The following RNF11 variants were observed in gnomAD, a reference collection of about 807,000 sequenced individuals.
RNF11 encodes the protein ring finger protein 11.
Under a neutral mutation model 15.8 loss-of-function variants are expected in RNF11, and 4 were observed. That is an observed-to-expected ratio of 0.25 (90% CI 0.12 to 0.58). RNF11 has a LOEUF of 0.58. Among genes scored for constraint, RNF11 ranks in the 20% least tolerant of loss-of-function variants. RNF11 has a pLI of 0.91. For missense variants in RNF11, 139 were observed against 194.4 expected, an observed-to-expected ratio of 0.71 and a Z score of 1.70; for synonymous variants, 68 against 72.3, an observed-to-expected ratio of 0.94 and a Z score of 0.30.
intron 1 of RNF11, among the ~76,000 whole-genome samples, chr1:51,258,469 C>A (rs947921585): frequency 6.6e-6 from 1 of 152,108 alleles, no homozygotes; most frequent in Non-Finnish European, 1.5e-5. Flanking sequence ...GAGTTCATTT[C>A]CAGTAGAGTC....
chr1:51,239,313 G>A (rs1023796395), intron 1 of RNF11, among the ~76,000 whole-genome samples: 7 of 152,152 alleles, frequency 4.6e-5, no homozygotes, highest in Admixed American at 1.3e-4. Flanking sequence ...GGTTTTTGGT[G>A]TCATGAAGGA....
At chr1:51,270,308 T>C (rs1221325779) in intron 2 of RNF11, among the ~76,000 whole-genome samples, 183 bp downstream of exon 2, 1 of 152,214 alleles carries the variant, frequency 6.6e-6, no homozygotes, top group African/African-American at 2.4e-5. Flanking sequence ...GAGAATGTTA[T>C]GTAGTAATTA....
At chr1:51,260,628 G>A (rs1048313840) in intron 1 of RNF11, among the ~76,000 whole-genome samples, 1 of 152,178 alleles carries the variant, frequency 6.6e-6, no homozygotes, top group Non-Finnish European at 1.5e-5. Context: ...GGACAATTGT[G>A]TTAGTGGGTG....
intron 1 of RNF11, among the ~76,000 whole-genome samples, chr1:51,266,966 G>A (rs893291375): frequency 1.3e-5 from 2 of 152,308 alleles, no homozygotes; most frequent in East Asian, 3.9e-4. Flanking sequence ...TACCCACATA[G>A]CCCGGACACA....
rs2148062307 is a variant in RNF11 at position 51,236,432 on chromosome 1, G to C, written c.-325G>C. ...GCCCCCCCCCGCTGACCTGGATTAGGCCCAGCAGCTCCGTGGCCGCCGCCG... is the reference window on the plus strand; with the variant it reads ...GCCCCCCCCCGCTGACCTGGATTAGCCCCAGCAGCTCCGTGGCCGCCGCCG... On this transcript the variant is annotated 5_prime_UTR_variant, in exon 1 of 3. Transcript: ENST00000242719. 4.7e-6 allele frequency: 1 copy of C among 213,634 alleles called. No individual in the cohort carries two copies. The highest frequency in any genetic ancestry group is 2.4e-5 in the African/African-American group (1 of 42,480). The allele number at this position is 213,634 out of a possible 1,614,324, so 13.2% of individuals were successfully genotyped here. A position where few individuals can be genotyped will look rare whatever the true frequency, so the allele number is the denominator to read the frequency against.
intron 1 of RNF11, among the ~76,000 whole-genome samples, chr1:51,247,391 G>C (rs936270080): frequency 6.6e-6 from 1 of 152,002 alleles, no homozygotes; most frequent in Non-Finnish European, 1.5e-5. Context: ...AAAGTGTCTG[G>C]GTTTTTTGGT....
At chr1:51,248,482 G>A (rs1353905362) in intron 1 of RNF11, among the ~76,000 whole-genome samples, 1 of 152,032 alleles carries the variant, frequency 6.6e-6, no homozygotes, top group Non-Finnish European at 1.5e-5. Context: ...GATTACTGGC[G>A]TCAGCCACGG....
intron 1 of RNF11, among the ~76,000 whole-genome samples, chr1:51,253,447 C>T (rs180921030): frequency 6.6e-6 from 1 of 151,018 alleles, no homozygotes; most frequent in Admixed American, 6.6e-5. Context: ...CACTTGAGCC[C>T]AGGAGCTCGA....
intron 1 of RNF11, among the ~76,000 whole-genome samples, chr1:51,240,527 G>C (rs1274032079): frequency 1.3e-5 from 2 of 151,954 alleles, no homozygotes; most frequent in Non-Finnish European, 2.9e-5. Context: ...TCTCCCACTA[G>C]GTAGAAAGGA....
Position 51,237,073 on chromosome 1 carries a change from G to A in RNF11, c.123+194G>A, listed in dbSNP as rs75990983. Among the ~76,000 whole-genome samples, 3,191 of 152,204 alleles carry A rather than the reference G, an allele frequency of 0.021. 97 individuals are homozygous for A. The highest frequency in any genetic ancestry group is 0.071 in the African/African-American group (2,965 of 41,496). On this transcript the variant is annotated intron_variant, in intron 1 of 2. Transcript: ENST00000242719. ...GATTCTTCGCCTGCCCTCGGGCACC[G>A]TGTGGGGATGATACCCTCTGCCCTT... is the stretch of plus-strand genomic sequence containing the variant.
At position 51,236,274 on chromosome 1, in the gene RNF11, G is replaced by C. The variant is rs72896450; in HGVS notation, c.-483G>C. 3,202 of 152,490 alleles carry C rather than the reference G, an allele frequency of 0.021. 96 individuals carry two copies. Among genetic ancestry groups the C allele is most frequent in the African/African-American group, 0.065 (2,693 of 41,560 alleles). 9.4% of individuals were successfully genotyped at this position (152,490 alleles called of 1,614,324 possible). ...AGAGCACGCACGGCGCGATGACGCA[G>C]TGCCCGAGCCGGCCTCGTTCTGGCT... On this transcript the variant is annotated 5_prime_UTR_variant, in exon 1 of 3. Transcript: ENST00000242719.
intron 1 of RNF11, among the ~76,000 whole-genome samples, chr1:51,238,769 C>T (rs994169890): frequency 1.3e-5 from 2 of 151,978 alleles, no homozygotes; most frequent in African/African-American, 4.8e-5. Context: ...GCTCTGTCAC[C>T]CCGGCTGGAG....
In RNF11 at chr1:51,249,735, A is replaced by G. The variant is rs77360640; in HGVS notation, c.123+12856A>G. ...CATTATGTGTATTTGGGTAGTATCA[A>G]TTTTTGGCTGTATAAATAAAGATGC... On this transcript the variant is annotated intron_variant, in intron 1 of 2. Coordinates refer to ENST00000242719, the MANE Select transcript of RNF11 (RefSeq NM_014372.5). Among the ~76,000 whole-genome samples, 804 of 152,300 alleles carry G rather than the reference A, an allele frequency of 5.3e-3. 33 individuals carry two copies. The East Asian group carries it at 0.098, about 19-fold the overall frequency.
Position 51,258,982 on chromosome 1 carries a change from A to G in RNF11, c.124-10974A>G, listed in dbSNP as rs544805877. 4.6e-4 allele frequency among the ~76,000 whole-genome samples: 70 copies of G among 152,330 alleles called. 1 individual carries two copies. The highest frequency in any genetic ancestry group is 1.7e-3 in the African/African-American group (69 of 41,572). On this transcript the variant is annotated intron_variant, in intron 1 of 2. Transcript: ENST00000242719. ...GTGACAACTGGAGGCCTTGTTCAAA[A>G]AACTACCAGAAAAAGGACATGTATC...
intron 1 of RNF11, among the ~76,000 whole-genome samples, chr1:51,248,226 G>GTTTTT: frequency 7.9e-6 from 1 of 126,292 alleles, no homozygotes; most frequent in Non-Finnish European, 1.6e-5. Flanking sequence ...TTTTGGCTTT[G>GTTTTT]AGATGGAGTC....
chr1:51,245,476 G>T (rs1412317099), intron 1 of RNF11, among the ~76,000 whole-genome samples: 2 of 150,956 alleles, frequency 1.3e-5, no homozygotes, highest in African/African-American at 4.9e-5. Flanking sequence ...TTTGGAGATG[G>T]AGTCTTACTC....
intron 1 of RNF11, among the ~76,000 whole-genome samples, chr1:51,244,352 T>TA (rs1646842900): frequency 6.6e-6 from 1 of 152,214 alleles, no homozygotes; most frequent in Non-Finnish European, 1.5e-5. Context: ...TTGGGAAAGT[T>TA]AATTTCATTA....
intron 1 of RNF11, among the ~76,000 whole-genome samples, chr1:51,255,665 G>A (rs1286616592): frequency 1.3e-5 from 2 of 152,158 alleles, no homozygotes; most frequent in Non-Finnish European, 2.9e-5. Context: ...GTTCAAGGAG[G>A]GGGTCAAACT....
chr1:51,240,413 G>A (rs1207495451), intron 1 of RNF11, among the ~76,000 whole-genome samples: 1 of 152,030 alleles, frequency 6.6e-6, no homozygotes, highest in African/African-American at 2.4e-5. Context: ...AGTGCAACCT[G>A]CCCTAATAAC....
Sources: allele counts gnomAD v4.1 joint callset (sites outside exome capture counted in the v4.1 genomes callset), GRCh38; gene constraint gnomAD v4.1.1; transcripts MANE v1.5; gene names NCBI Gene and HGNC (gene_info 2026-07-23, HGNC 2026-07-21).